CSMD2: variants seen among roughly 807,000 people sequenced by gnomAD.
CSMD2 encodes the protein CUB and sushi domain-containing protein 2.
A neutral mutation model predicts 398.5 loss-of-function variants in CSMD2; 130 were observed. The ratio of observed to expected loss-of-function variants is 0.33; its 90% CI spans 0.28 to 0.38. The LOEUF is 0.38. CSMD2 is among the 10% of genes least tolerant of loss of function. CSMD2 has a pLI of 1.00. For missense variants in CSMD2, 3,829 were observed against 4,764.9 expected, an observed-to-expected ratio of 0.80 and a Z score of 5.78; for synonymous variants, 1,828 against 1,908.5, an observed-to-expected ratio of 0.96 and a Z score of 1.10.
chr1:33,605,379 G>A lies in CSMD2; in HGVS notation c.6435C>T (p.Phe2145=), dbSNP rs770978193. The change falls in exon 42 of 71, where the codon TTC becomes TTT. Residue 2145 remains phenylalanine, a synonymous_variant. Coordinates refer to ENST00000373381, the MANE Select transcript of CSMD2 (RefSeq NM_001281956.2). ...AGYNVGQSVT[F]ECLPGYQLTG... ...TCAATTGATACCCCGGGAGGCACTC[G>A]AAGGTCACTGATTGTCCCACGTTGT... The A allele has an allele frequency of 3.7e-6, 6 of 1,614,064 alleles. No individual in the cohort carries two copies. Among genetic ancestry groups the A allele is most frequent in the African/African-American group, 2.7e-5 (2 of 74,922 alleles).
chr1:33,529,295 C>T (rs544355977), intron 64 of CSMD2, among the ~76,000 whole-genome samples: 5 of 152,292 alleles, frequency 3.3e-5, no homozygotes, highest in African/African-American at 9.6e-5. Context: ...CATACACCAC[C>T]ACTCCTGGCT....
At chr1:34,055,426 C>T (rs1653718214) in intron 2 of CSMD2, among the ~76,000 whole-genome samples, 1 of 152,028 alleles carries the variant, frequency 6.6e-6, no homozygotes, top group Admixed American at 6.6e-5. Context: ...AAGACTGCCT[C>T]CCACCGCAGA....
In CSMD2 at chr1:33,616,942, C is replaced by G. The variant is rs1641430494; in HGVS notation, c.5980G>C (p.Val1994Leu). ...GGAGGAGGGTAGTTCCATCGCCGCA[C>G]TGTTCCGGGCATGCAGGAGATGTGG... ...HAHISCMPGTVRRWNYPPPLC... is the reference protein window; with the variant it reads ...HAHISCMPGTLRRWNYPPPLC... The change falls in exon 39 of 71, where the codon GTG (valine) becomes CTG (leucine). Residue 1994 changes from valine (V) to leucine (L), a missense_variant. By Grantham distance (32) the Val-to-Leu change is conservative (BLOSUM62 1). Around this residue, in one of 5 missense-constraint regions of CSMD2, gnomAD observed 2,001 missense variants for 2,567.1 expected, o/e 0.78. Coordinates refer to ENST00000373381, the MANE Select transcript of CSMD2 (RefSeq NM_001281956.2). 2 of 1,614,182 alleles carry G rather than the reference C, an allele frequency of 1.2e-6. No homozygotes were observed. Among genetic ancestry groups the G allele is most frequent in the Middle Eastern group, 3.3e-4 (2 of 6,062 alleles).
chr1:34,160,529 C>T (rs1298929026), intron 1 of CSMD2, among the ~76,000 whole-genome samples: 1 of 152,134 alleles, frequency 6.6e-6, no homozygotes. Context: ...AACCAGCTGG[C>T]TTCCTTGACC....
At position 33,633,371 on chromosome 1, in the gene CSMD2, C is replaced by T. The variant is rs754402695; in HGVS notation, c.5200+51G>A. 167 of 1,358,222 alleles carry T rather than the reference C, an allele frequency of 1.2e-4. No individual in the cohort carries two copies. The highest frequency in any genetic ancestry group is 1.6e-4 in the Non-Finnish European group (151 of 972,486). 84.1% of individuals were successfully genotyped at this position (1,358,222 alleles called of 1,614,324 possible). ...CTAGAGCCTCCTTCCTTTAGCCGGA[C>T]GTGATGCCCCCGGCCCACAACCATC... On this transcript the variant is annotated intron_variant, in intron 32 of 70. Coordinates refer to ENST00000373381, the MANE Select transcript of CSMD2 (RefSeq NM_001281956.2). The surrounding 1 kb of genome is among the most constrained non-coding windows in gnomAD (Gnocchi z 5.0).
chr1:33,905,378 T>C (rs990919488), intron 5 of CSMD2, among the ~76,000 whole-genome samples: 19 of 152,314 alleles, frequency 1.2e-4, no homozygotes, highest in Non-Finnish European at 2.4e-4. Context: ...CATGGTTTCA[T>C]AGGAGCCAAG....
chr1:34,052,038 T>A (rs1327278118), intron 2 of CSMD2, among the ~76,000 whole-genome samples: 1 of 152,076 alleles, frequency 6.6e-6, no homozygotes, highest in African/African-American at 2.4e-5. Context: ...GGTATTGGTC[T>A]TCTCTCGTCT....
intron 14 of CSMD2, among the ~76,000 whole-genome samples, chr1:33,740,832 C>T (rs548079708): frequency 1.3e-4 from 20 of 152,252 alleles, no homozygotes; most frequent in East Asian, 5.8e-4. Context: ...TACACGCGCG[C>T]GCGTGCATGC....
At position 33,709,209 on chromosome 1, in the gene CSMD2, G is replaced by T; in HGVS notation, c.3456C>A (p.Pro1152=). The T allele has an allele frequency of 6.2e-7, 1 of 1,613,932 alleles. No homozygotes were observed. Among genetic ancestry groups the T allele is most frequent in the Non-Finnish European group, 8.5e-7 (1 of 1,179,884 alleles). ...TGTTATTGTAGTTCACAGGAAAGTT[G>T]GGGGACAGCAAAGTACCCTGAGTGC... ...VTGTQGTLLS[P]NFPVNYNNNH... Residue 1152 remains proline, a synonymous_variant, in exon 22 of 71, where the codon CCC becomes CCA. Transcript: ENST00000373381.
chr1:34,155,658 C>T (rs1295756474), intron 1 of CSMD2, among the ~76,000 whole-genome samples: 1 of 152,174 alleles, frequency 6.6e-6, no homozygotes, highest in Admixed American at 6.5e-5. Context: ...CCTTCTCACC[C>T]CTGAGACCTG....
At chr1:34,161,741 C>A (rs867446878) in intron 1 of CSMD2, among the ~76,000 whole-genome samples, 1 of 152,088 alleles carries the variant, frequency 6.6e-6, no homozygotes, top group Non-Finnish European at 1.5e-5. Flanking sequence ...GACATGAAGA[C>A]CCCTTTGAAG....
intron 25 of CSMD2, among the ~76,000 whole-genome samples, chr1:33,667,625 A>G (rs1410530064): frequency 6.6e-6 from 1 of 152,200 alleles, no homozygotes; most frequent in Non-Finnish European, 1.5e-5. Flanking sequence ...AACAGTTTAT[A>G]TGTGAGTCAT....
chr1:33,602,660 T>C, intron 42 of CSMD2, 114 bp from the exon 43 acceptor site: 1 of 966,216 alleles, frequency 1.0e-6, no homozygotes, highest in Non-Finnish European at 1.5e-6. Flanking sequence ...TCAGGGAGGT[T>C]GGGTGGGATG....
intron 28 of CSMD2, 26 bp from the exon 29 acceptor site, chr1:33,646,861 C>T: frequency 6.3e-7 from 1 of 1,588,598 alleles, no homozygotes; most frequent in South Asian, 1.1e-5. Flanking sequence ...ATCCCACCCC[C>T]ACCCCACTAA....
In CSMD2 at chr1:33,537,393, G is replaced by T; in HGVS notation, c.9805+43C>A. 6.4e-7 allele frequency: 1 copy of T among 1,570,274 alleles called. No individual in the cohort carries two copies. The highest frequency in any genetic ancestry group is 8.6e-7 in the Non-Finnish European group (1 of 1,157,066). Reference sequence around the variant, plus strand: ...TCTCAGGCCCAAAAGAAGGTCTCCCGCAACCCCAGCCAAGACGCTCCCTGC... The same window carrying T: ...TCTCAGGCCCAAAAGAAGGTCTCCCTCAACCCCAGCCAAGACGCTCCCTGC... On this transcript the variant is annotated intron_variant, in intron 61 of 70. Coordinates refer to ENST00000373381, the MANE Select transcript of CSMD2 (RefSeq NM_001281956.2). The surrounding 1 kb of genome is among the most constrained non-coding windows in gnomAD (Gnocchi z 4.6).
intron 2 of CSMD2, among the ~76,000 whole-genome samples, chr1:34,067,690 G>A (rs1655265524): frequency 6.6e-6 from 1 of 152,182 alleles, no homozygotes; most frequent in African/African-American, 2.4e-5. Flanking sequence ...CCTTTCCAGA[G>A]CAGTTTGTCA....
chr1:33,871,598 G>A (rs570536800), intron 5 of CSMD2, among the ~76,000 whole-genome samples: 40 of 152,272 alleles, frequency 2.6e-4, no homozygotes, highest in African/African-American at 9.1e-4. Flanking sequence ...GCATGTTGAT[G>A]TGCCTGCTCA....
At chr1:33,942,038 C>T (rs1372846389) in intron 3 of CSMD2, among the ~76,000 whole-genome samples, 1 of 152,098 alleles carries the variant, frequency 6.6e-6, no homozygotes, top group Non-Finnish European at 1.5e-5. Flanking sequence ...AAGAACAGTG[C>T]CTGATGTATA....
chr1:33,897,817 G>A (rs933328747), intron 5 of CSMD2, among the ~76,000 whole-genome samples: 5 of 152,192 alleles, frequency 3.3e-5, no homozygotes, highest in Non-Finnish European at 7.3e-5. Flanking sequence ...ATGTATCAAG[G>A]GCCCTCCATG....
Sources: gnomAD v4.1 joint callset for allele counts (sites outside exome capture counted in the v4.1 genomes callset) on GRCh38, gnomAD v4.1.1 for gene constraint, gnomAD v4.1.1 regional missense constraint, Gnocchi (gnomAD v3.1) non-coding constraint, MANE v1.5 for transcripts, NCBI Gene and HGNC (gene_info 2026-07-23, HGNC 2026-07-21) for gene names.